CUL4A: variants seen among roughly 807,000 people sequenced by gnomAD.
CUL4A encodes the protein cullin 4A.
A neutral mutation model predicts 95.5 loss-of-function variants in CUL4A; 16 were observed. That is an observed-to-expected ratio of 0.17 (90% CI 0.11 to 0.25). The LOEUF (loss-of-function observed/expected upper bound fraction) is 0.25, where lower values mean the gene tolerates loss of function less well. Among genes scored for constraint, CUL4A ranks in the 10% least tolerant of loss-of-function variants. The pLI, the probability that CUL4A is intolerant of heterozygous loss-of-function variation, is 1.00. For synonymous variants in CUL4A, 380 were observed against 353.1 expected (o/e 1.08, Z -0.85); for missense variants, 610 against 937.0 (o/e 0.65, Z 4.56).
intron 8 of CUL4A, 126 bp from the exon 9 acceptor site, chr13:113,236,697 C>T (rs1379056205): frequency 1.4e-5 from 8 of 585,622 alleles, no homozygotes; most frequent in Non-Finnish European, 2.4e-5. Flanking sequence ...AGGAAATGTT[C>T]TTAACCTTCC....
At chr13:113,219,714 T>C (rs2040828015) in intron 3 of CUL4A, 1 of 152,290 alleles carries the variant, frequency 6.6e-6, no homozygotes, top group African/African-American at 2.4e-5. Context: ...GGGCCTTATA[T>C]GATGTAACCC....
upstream of CUL4A, chr13:113,208,240 C>T (rs890977028): frequency 2.1e-6 from 3 of 1,455,434 alleles, no homozygotes; most frequent in Non-Finnish European, 2.7e-6. Context: ...GACACAGCAC[C>T]GCCCACAGCG....
At chr13:113,257,087 A>AG (rs2042149133) in intron 18 of CUL4A, among the ~76,000 whole-genome samples, 1 of 151,828 alleles carries the variant, frequency 6.6e-6, no homozygotes, top group Non-Finnish European at 1.5e-5. Flanking sequence ...ACCACACTCA[A>AG]CTAAGTTTTC....
chr13:113,246,398 G>A lies in CUL4A; in HGVS notation c.1638+335G>A, dbSNP rs74415224. On this transcript the variant is annotated intron_variant, in intron 15 of 19. Transcript: ENST00000375440. ...TAGACAGTGCTGAAGTCTTGGGAATGGCATTATTTAGGGCCTTCTTTGTCA... is the reference window on the plus strand; with the variant it reads ...TAGACAGTGCTGAAGTCTTGGGAATAGCATTATTTAGGGCCTTCTTTGTCA... 1.9e-3 allele frequency among the ~76,000 whole-genome samples: 292 copies of A among 152,280 alleles called. 1 individual carries two copies. The highest frequency in any genetic ancestry group is 6.8e-3 in the African/African-American group (281 of 41,538).
rs1465125757 is a variant in CUL4A at position 113,239,684 on chromosome 13, T to C, written c.1035+133T>C. 4.4e-5 allele frequency: 28 copies of C among 629,446 alleles called. No individual in the cohort carries two copies. The East Asian group carries it at 8.0e-4, about 18-fold the overall frequency. 39.0% of individuals were successfully genotyped at this position (629,446 alleles called of 1,614,324 possible). ...GGCCCGTCTGCATTTTCATCACAGA[T>C]GATAGGGTGGACAGTAGGCTTCCAT... On this transcript the variant is annotated intron_variant, in intron 10 of 19. Transcript: ENST00000375440.
At chr13:113,221,125 C>T (rs1025309739) in intron 3 of CUL4A, among the ~76,000 whole-genome samples, 6 of 152,140 alleles carry the variant, frequency 3.9e-5, no homozygotes, top group African/African-American at 9.7e-5. Flanking sequence ...AGAAGCAGAG[C>T]GTGGAGGGTG....
intron 9 of CUL4A, among the ~76,000 whole-genome samples, chr13:113,238,416 A>T (rs1289586808): frequency 6.6e-6 from 1 of 152,094 alleles, no homozygotes; most frequent in Non-Finnish European, 1.5e-5. Context: ...CTGGGTGACA[A>T]AGCAAGAGAC....
chr13:113,224,207 G>T (rs1274137572), intron 3 of CUL4A, among the ~76,000 whole-genome samples: 1 of 152,148 alleles, frequency 6.6e-6, no homozygotes, highest in Non-Finnish European at 1.5e-5. Flanking sequence ...AAAAAAATTA[G>T]CCGGGCGTGG....
At chr13:113,223,481 C>T (rs754664618) in intron 3 of CUL4A, among the ~76,000 whole-genome samples, 28 of 152,166 alleles carry the variant, frequency 1.8e-4, no homozygotes, top group African/African-American at 5.6e-4. Context: ...CCGCAACAAC[C>T]TCCACTCCTG....
chr13:113,251,650 C>G (rs371500006), intron 15 of CUL4A, among the ~76,000 whole-genome samples: 113 of 152,214 alleles, frequency 7.4e-4, no homozygotes, highest in African/African-American at 2.6e-3. Flanking sequence ...TAGCACCTCC[C>G]CCTTCTCTCT....
At chr13:113,237,692 T>C (rs1250895721) in intron 9 of CUL4A, among the ~76,000 whole-genome samples, 5 of 152,186 alleles carry the variant, frequency 3.3e-5, no homozygotes, top group African/African-American at 7.2e-5. Context: ...ATTTGGAAAA[T>C]ACGAGACTTT....
chr13:113,264,525 TA>T lies in CUL4A; in HGVS notation c.*947del, dbSNP rs1378280532. 1 of 152,540 alleles carries T rather than the reference TA, an allele frequency of 6.6e-6. No individual in the cohort carries two copies. The highest frequency in any genetic ancestry group is 1.5e-5 in the Non-Finnish European group (1 of 68,050). 9.4% of individuals were successfully genotyped at this position (152,540 alleles called of 1,614,324 possible). A position where few individuals can be genotyped will look rare whatever the true frequency, so the allele number is the denominator to read the frequency against. ...AGCAGAGGTTATTTTGTGGAAAGAT[TA>T]AAAGGATTTTGTTGGTACCTGGTTT... On this transcript the variant is annotated 3_prime_UTR_variant, in exon 20 of 20. Coordinates refer to ENST00000375440, the MANE Select transcript of CUL4A (RefSeq NM_001008895.4).
chr13:113,227,721 T>C (rs1215426133), intron 3 of CUL4A, among the ~76,000 whole-genome samples: 1 of 151,988 alleles, frequency 6.6e-6, no homozygotes, highest in Non-Finnish European at 1.5e-5. Context: ...CTGACCAACA[T>C]GGTGAAACCC....
At chr13:113,229,966 G>A (rs935524861) in intron 5 of CUL4A, 40 of 354,628 alleles carry the variant, frequency 1.1e-4, no homozygotes, top group Non-Finnish European at 1.7e-4. Context: ...GTCATCTTTC[G>A]GGGACTGTAT....
At chr13:113,218,818 C>T in intron 2 of CUL4A, 127 bp from the exon 3 acceptor site, 3 of 595,428 alleles carry the variant, frequency 5.0e-6, no homozygotes, top group Non-Finnish European at 8.8e-6. Context: ...TTTGTAGATT[C>T]CTGAAGTACT....
At chr13:113,254,850 T>C (rs556094757) in intron 17 of CUL4A, 52 bp downstream of exon 17, 1 of 1,584,196 alleles carries the variant, frequency 6.3e-7, no homozygotes, top group Non-Finnish European at 8.7e-7. Flanking sequence ...AAAGCATGTA[T>C]TTGTTTTAAG....
At chr13:113,208,846 C>T, upstream of CUL4A, 2 of 1,406,622 alleles carry the variant, frequency 1.4e-6, no homozygotes, top group Non-Finnish European at 1.8e-6. Flanking sequence ...GTCCTCTCAG[C>T]CGGGACGCCA....
intron 5 of CUL4A, among the ~76,000 whole-genome samples, chr13:113,230,590 AT>A (rs1304032019): frequency 6.6e-6 from 1 of 152,138 alleles, no homozygotes; most frequent in Non-Finnish European, 1.5e-5. Context: ...ATAGCAGATT[AT>A]TTAGCATTTG....
intron 15 of CUL4A, 51 bp from the exon 16 acceptor site, chr13:113,253,031 T>G: frequency 1.2e-6 from 1 of 846,978 alleles, no homozygotes; most frequent in Non-Finnish European, 1.9e-6. Context: ...TGGGGAGCTA[T>G]TGAGATGGAT....
Sources: gnomAD v4.1 joint callset for allele counts (sites outside exome capture counted in the v4.1 genomes callset) on GRCh38, gnomAD v4.1.1 for gene constraint, MANE v1.5 for transcripts, NCBI Gene and HGNC (gene_info 2026-07-23, HGNC 2026-07-21) for gene names.